Variants in TARS2 observed in about 807,000 individuals in gnomAD.
The protein encoded by TARS2 is threonine--tRNA ligase, mitochondrial.
A neutral mutation model predicts 94.4 loss-of-function variants in TARS2; 61 were observed. That is an observed-to-expected ratio of 0.65 (90% CI 0.53 to 0.80). TARS2 has a LOEUF of 0.80. Ranked by LOEUF, TARS2 falls within the 30% of genes least tolerant of loss-of-function variation. The pLI is 0.00. For synonymous variants in TARS2, 359 were observed against 353.4 expected (o/e 1.02, Z -0.18); for missense variants, 704 against 902.5 (o/e 0.78, Z 2.82).
chr1:150,496,694 T>C (rs961484508), intron 8 of TARS2, 66 bp downstream of exon 8: 5 of 1,598,280 alleles, frequency 3.1e-6, no homozygotes, highest in Non-Finnish European at 4.3e-6. Context: ...AGAACCTGAT[T>C]ATGAAATTGG....
intron 3 of TARS2, among the ~76,000 whole-genome samples, chr1:150,490,302 A>G (rs1448176407): frequency 6.6e-6 from 1 of 151,840 alleles, no homozygotes; most frequent in Non-Finnish European, 1.5e-5. Flanking sequence ...ATGTTTTAGC[A>G]GAGACAGGGT....
intron 3 of TARS2, among the ~76,000 whole-genome samples, chr1:150,489,468 A>G (rs1014575847): frequency 3.3e-5 from 5 of 152,208 alleles, no homozygotes; most frequent in Non-Finnish European, 7.3e-5. Context: ...TGTCTTCTTC[A>G]TGTCAGCTCA....
chr1:150,490,175 G>A (rs994584526), intron 3 of TARS2, among the ~76,000 whole-genome samples: 5 of 129,682 alleles, frequency 3.9e-5, no homozygotes, highest in Non-Finnish European at 6.2e-5. Context: ...CTGGAGTGCA[G>A]TGGCGCGATC....
At chr1:150,503,600 T>TGTGTGTGC (rs1670036286) in intron 13 of TARS2, among the ~76,000 whole-genome samples, 1 of 141,216 alleles carries the variant, frequency 7.1e-6, no homozygotes, top group African/African-American at 2.7e-5. Context: ...TGTGTGTGTG[T>TGTGTGTGC]GTATGTGTGT....
chr1:150,502,209 C>T (rs931132130), intron 13 of TARS2, among the ~76,000 whole-genome samples: 15 of 144,992 alleles, frequency 1.0e-4, no homozygotes, highest in Admixed American at 2.1e-4. Context: ...AGCCATCTTG[C>T]CCAGCGTTTT....
At chr1:150,503,669 A>T (rs1226835639) in intron 13 of TARS2, among the ~76,000 whole-genome samples, 1 of 149,732 alleles carries the variant, frequency 6.7e-6, no homozygotes, top group African/African-American at 2.5e-5. Context: ...GTGTGTATAT[A>T]TGTGTGTATA....
intron 8 of TARS2, 34 bp downstream of exon 8, chr1:150,496,662 A>G (rs1336039898): frequency 3.1e-6 from 5 of 1,606,204 alleles, no homozygotes; most frequent in Non-Finnish European, 4.3e-6. Context: ...AGGGATGGTG[A>G]TAAGGGTTGG....
intron 6 of TARS2, 83 bp downstream of exon 6, chr1:150,491,745 G>C: frequency 1.4e-6 from 2 of 1,419,402 alleles, no homozygotes; most frequent in Non-Finnish European, 2.0e-6. Flanking sequence ...AAGAAAGATA[G>C]AAGGTAATTT....
chr1:150,503,360 T>C (rs1367068040), intron 13 of TARS2, among the ~76,000 whole-genome samples: 1 of 151,840 alleles, frequency 6.6e-6, no homozygotes, highest in Non-Finnish European at 1.5e-5. Flanking sequence ...AAAGAGGAGT[T>C]AAAGAACCGG....
rs1057521898 is a variant in TARS2 at position 150,496,923 on chromosome 1, G to C, written c.1020+15G>C. On this transcript the variant is annotated intron_variant, in intron 9 of 17. Coordinates refer to ENST00000369064, the MANE Select transcript of TARS2 (RefSeq NM_025150.5). ...CGTTTATCAGGGTAAGGGGACCCAG[G>C]TCTAGAGGAAAGAAGACCAGGGAGG... The C allele has an allele frequency of 6.2e-7, 1 of 1,612,892 alleles. No homozygotes were observed.
intron 15 of TARS2, 47 bp from the exon 16 acceptor site, chr1:150,504,859 C>T: frequency 6.2e-7 from 1 of 1,609,562 alleles, no homozygotes; most frequent in Non-Finnish European, 8.5e-7. Flanking sequence ...CACTTCTGGC[C>T]AGAGCCAGAG....
chr1:150,497,992 C>G (rs587596167), intron 10 of TARS2, among the ~76,000 whole-genome samples: 46 of 151,496 alleles, frequency 3.0e-4, no homozygotes, highest in African/African-American at 1.1e-3. Context: ...ACTCAGGAGG[C>G]TGAGGCAGGC....
intron 9 of TARS2, 146 bp from the exon 10 acceptor site, chr1:150,497,384 G>A (rs768407960): frequency 3.7e-4 from 250 of 673,750 alleles, no homozygotes; most frequent in Non-Finnish European, 5.3e-4. Flanking sequence ...GTCTGCAGTC[G>A]GGGAGCATAG....
chr1:150,501,287 T>G (rs1669899053), intron 13 of TARS2, among the ~76,000 whole-genome samples: 1 of 141,628 alleles, frequency 7.1e-6, no homozygotes, highest in Non-Finnish European at 1.5e-5. Context: ...TAAGACCTCG[T>G]CTCTACAAAA....
At chr1:150,501,332 T>TA (rs869041370) in intron 13 of TARS2, among the ~76,000 whole-genome samples, 7 of 52,990 alleles carry the variant, frequency 1.3e-4, no homozygotes, top group African/African-American at 3.6e-4. Flanking sequence ...TTTTTTTTTT[T>TA]ATTGAGACTA....
intron 13 of TARS2, 104 bp from the exon 14 acceptor site, chr1:150,504,231 G>C (rs75108820): frequency 9.5e-7 from 1 of 1,055,548 alleles, no homozygotes; most frequent in East Asian, 2.6e-5. Context: ...GTAGTAGCCC[G>C]GGATGAGGGT....
intron 3 of TARS2, 25 bp from the exon 4 acceptor site, chr1:150,490,568 ATGAACTTG>A: frequency 6.2e-7 from 1 of 1,604,860 alleles, no homozygotes; most frequent in Non-Finnish European, 8.5e-7. Context: ...GGAGAAGTTT[ATGAACTTG>A]TGAACCCCTT....
intron 3 of TARS2, among the ~76,000 whole-genome samples, chr1:150,489,510 A>T (rs1669286385): frequency 6.6e-6 from 1 of 152,164 alleles, no homozygotes. Context: ...TAGGATCCAG[A>T]AAAATAGAGT....
In TARS2 at chr1:150,497,731, A is replaced by G; in HGVS notation, c.1222A>G (p.Asn408Asp). The G allele has an allele frequency of 6.2e-7, 1 of 1,614,026 alleles. No homozygotes were observed. The highest frequency in any genetic ancestry group is 8.5e-7 in the Non-Finnish European group (1 of 1,180,000). ...AGATACACTCGCCCTCAAGCCTATG[A>G]ACTGCCCTGCACACTGGTAAGCTGG... ...ITDTLALKPM[N>D]CPAHCLMFAH... Residue 408 changes from asparagine to aspartate, a missense_variant, in exon 10 of 18, where the codon AAC (asparagine) becomes GAC (aspartate). Coordinates refer to ENST00000369064, the MANE Select transcript of TARS2 (RefSeq NM_025150.5).
Sources: gnomAD v4.1 joint callset for allele counts (sites outside exome capture counted in the v4.1 genomes callset) on GRCh38, gnomAD v4.1.1 for gene constraint, MANE v1.5 for transcripts, NCBI Gene and HGNC (gene_info 2026-07-23, HGNC 2026-07-21) for gene names.